RANBP2: variants seen among roughly 807,000 people sequenced by gnomAD.
RANBP2 encodes RAN binding protein 2, also known as E3 SUMO-protein ligase RanBP2.
In RANBP2, 57 loss-of-function variants were observed where a neutral mutation model predicts 303.6. The observed-to-expected ratio is 0.19, with a 90% CI of 0.15 to 0.23. RANBP2 has a LOEUF of 0.23. RANBP2 is among the 10% of genes least tolerant of loss of function. RANBP2 has a pLI of 1.00. For synonymous variants in RANBP2, 1,167 were observed against 1,301.5 expected (o/e 0.90, Z 2.23); for missense variants, 3,138 against 3,780.8 (o/e 0.83, Z 4.46).
In RANBP2 at chr2:108,771,892, A is replaced by G. The variant is rs768196462; in HGVS notation, c.8020+21A>G. 5.6e-6 allele frequency: 9 copies of G among 1,613,812 alleles called. No individual in the cohort carries two copies. The South Asian group carries it at 8.8e-5, about 16-fold the overall frequency. ...GGATGGTAAAACTTTTGTTATTTCA[A>G]AAATCCTCTGTTCCCGCTAATCTTA... On this transcript the variant is annotated intron_variant, in intron 21 of 28. Transcript: ENST00000283195.
At chr2:109,327,967 A>G in the RANBP2 span, among the ~76,000 whole-genome samples, 1 of 152,218 alleles carries the variant, frequency 6.6e-6, no homozygotes, top group Non-Finnish European at 1.5e-5. Flanking sequence ...GTGTCAGGCG[A>G]TATCCAGCAT....
the RANBP2 span, among the ~76,000 whole-genome samples, chr2:109,642,656 T>TAAA: frequency 2.2e-5 from 3 of 137,772 alleles, no homozygotes; most frequent in Non-Finnish European, 3.2e-5. Context: ...CCATCTCAAA[T>TAAA]AAAAAAAAAA....
chr2:109,474,092 C>T, the RANBP2 span, among the ~76,000 whole-genome samples: 2 of 152,108 alleles, frequency 1.3e-5, no homozygotes, highest in African/African-American at 4.8e-5. Context: ...ATTTGATGCA[C>T]AGTCTGGGCC....
At position 108,769,928 on chromosome 2, in the gene RANBP2, G is replaced by A. The variant is rs1364167215; in HGVS notation, c.7849+1540G>A. Among the ~76,000 whole-genome samples the A allele has an allele frequency of 2.7e-5, 4 of 149,972 alleles. No individual in the cohort carries two copies. The East Asian group carries it at 7.7e-4, about 29-fold the overall frequency. ...AACACATCTTAGCCATGCCAAACAA[G>A]TACAATGATAAAGTAGCAATCTCTG... On this transcript the variant is annotated intron_variant, in intron 20 of 28. Transcript: ENST00000283195.
the RANBP2 span, among the ~76,000 whole-genome samples, chr2:109,710,853 G>C: frequency 6.6e-6 from 1 of 152,106 alleles, no homozygotes; most frequent in African/African-American, 2.4e-5. Flanking sequence ...CATAGAAAAT[G>C]GGATGGTTGA....
At chr2:108,987,891 T>A in the RANBP2 span, among the ~76,000 whole-genome samples, 1 of 152,270 alleles carries the variant, frequency 6.6e-6, no homozygotes, top group African/African-American at 2.4e-5. Flanking sequence ...AATCTCAGAG[T>A]ATTAAGCCAG....
At chr2:109,664,651 C>A in the RANBP2 span, among the ~76,000 whole-genome samples, 1 of 151,706 alleles carries the variant, frequency 6.6e-6, no homozygotes, top group Non-Finnish European at 1.5e-5. Context: ...CAATGTGGGC[C>A]GGGCACGGTG....
At chr2:109,481,088 C>T in the RANBP2 span, among the ~76,000 whole-genome samples, 985 of 152,232 alleles carry the variant, frequency 6.5e-3, 11 homozygotes, top group African/African-American at 0.022. Flanking sequence ...CTGCTGCTGC[C>T]AAAAAGAATC....
chr2:109,402,540 G>A, the RANBP2 span, among the ~76,000 whole-genome samples: 4 of 152,194 alleles, frequency 2.6e-5, no homozygotes, highest in Non-Finnish European at 4.4e-5. Flanking sequence ...CAGGCTCCTC[G>A]GTGCCTACAG....
chr2:109,137,385 C>T, the RANBP2 span, among the ~76,000 whole-genome samples: 28 of 152,300 alleles, frequency 1.8e-4, no homozygotes, highest in African/African-American at 6.3e-4. Flanking sequence ...CTTGGTGTTG[C>T]GGGCAGCACC....
chr2:109,574,442 CTAAAAA>C, the RANBP2 span: 2 of 269,200 alleles, frequency 7.4e-6, no homozygotes, highest in Non-Finnish European at 1.0e-5. Flanking sequence ...GACTTTATCT[CTAAAAA>C]AAAAAAAAAA....
chr2:109,379,661 G>A, the RANBP2 span, among the ~76,000 whole-genome samples: 6 of 152,252 alleles, frequency 3.9e-5, no homozygotes, highest in African/African-American at 7.2e-5. Flanking sequence ...AGCTCCTGCC[G>A]CAGCGACAGC....
chr2:109,149,583 T>C, the RANBP2 span, among the ~76,000 whole-genome samples: 1 of 152,126 alleles, frequency 6.6e-6, no homozygotes, highest in Non-Finnish European at 1.5e-5. Context: ...CCCTGGGTCT[T>C]GCATGCAAGG....
chr2:108,770,321 G>T (rs1422196917), intron 20 of RANBP2, among the ~76,000 whole-genome samples: 1 of 152,062 alleles, frequency 6.6e-6, no homozygotes, highest in Non-Finnish European at 1.5e-5. Context: ...ACGGTGTACT[G>T]TTATTTCTCC....
rs2149278372 is a variant in RANBP2 at position 108,765,805 on chromosome 2, A to G, written c.5266A>G (p.Thr1756Ala). The G allele has an allele frequency of 2.5e-6, 4 of 1,614,136 alleles. No homozygotes were observed. Among genetic ancestry groups the G allele is most frequent in the East Asian group, 2.2e-5 (1 of 44,864 alleles). The change falls in exon 20 of 29, where the codon ACA becomes GCA. Residue 1756 changes from threonine to alanine, a missense_variant. Transcript: ENST00000283195. Reference sequence around the variant, plus strand: ...TCAGTGTCCAAGTAAACAAAATCAAACAACTGCAATTTCAACACCTGCCTC... The same window carrying G: ...TCAGTGTCCAAGTAAACAAAATCAAGCAACTGCAATTTCAACACCTGCCTC... ...ACQCPSKQNQ[T>A]TAISTPASSE...
chr2:109,115,698 G>A, the RANBP2 span, among the ~76,000 whole-genome samples: 3 of 151,942 alleles, frequency 2.0e-5, no homozygotes, highest in South Asian at 2.1e-4. Context: ...TATTTTGCTC[G>A]TTAGTTGATG....
At chr2:108,738,578 TG>T (rs1316934717) in intron 6 of RANBP2, among the ~76,000 whole-genome samples, 1 of 152,000 alleles carries the variant, frequency 6.6e-6, no homozygotes, top group Non-Finnish European at 1.5e-5. Context: ...AAACAAAAAA[TG>T]TAATCCATTA....
At chr2:109,523,211 G>A in the RANBP2 span, among the ~76,000 whole-genome samples, 132,556 of 152,096 alleles carry the variant, frequency 0.87, 58,116 homozygotes, top group East Asian at 0.95. Flanking sequence ...CTCCAGGACC[G>A]CTATGTCACA....
At chr2:109,679,254 C>T in the RANBP2 span, among the ~76,000 whole-genome samples, 4 of 152,170 alleles carry the variant, frequency 2.6e-5, no homozygotes, top group East Asian at 1.9e-4. Flanking sequence ...CTTGTTTGAC[C>T]GTGGCAGGGA....
Sources: gnomAD v4.1 joint callset for allele counts (sites outside exome capture counted in the v4.1 genomes callset) on GRCh38, gnomAD v4.1.1 for gene constraint, MANE v1.5 for transcripts, NCBI Gene and HGNC (gene_info 2026-07-23, HGNC 2026-07-21) for gene names.